Variants in NCALD observed in about 807,000 individuals in gnomAD.
NCALD encodes neurocalcin delta.
Under a neutral mutation model 18.6 loss-of-function variants are expected in NCALD, and 10 were observed. That is an observed-to-expected ratio of 0.54 (90% confidence interval 0.33 to 0.91). The LOEUF (loss-of-function observed/expected upper bound fraction) is 0.91, where lower values mean the gene tolerates loss of function less well. Ranked by LOEUF, NCALD falls within the 40% of genes least tolerant of loss-of-function variation. NCALD has a pLI of 0.03. For missense variants in NCALD, 184 were observed against 247.6 expected, an observed-to-expected ratio of 0.74 and a Z score of 1.72; for synonymous variants, 88 against 87.4, an observed-to-expected ratio of 1.01 and a Z score of -0.04.
chr8:101,876,687 T>C (rs1816241275), intron 4 of NCALD, among the ~76,000 whole-genome samples: 1 of 152,212 alleles, frequency 6.6e-6, no homozygotes, highest in Non-Finnish European at 1.5e-5. Context: ...TAATGTTAGA[T>C]GAGAAAGAAA....
chr8:102,007,152 AG>A (rs1176679031), intron 2 of NCALD, among the ~76,000 whole-genome samples: 1 of 152,240 alleles, frequency 6.6e-6, no homozygotes, highest in Admixed American at 6.5e-5. Flanking sequence ...AACAGAAAAA[AG>A]GGCAGTAGTG....
At chr8:101,815,699 T>C (rs141774091) in intron 4 of NCALD, among the ~76,000 whole-genome samples, 1 of 152,258 alleles carries the variant, frequency 6.6e-6, no homozygotes, top group East Asian at 1.9e-4. Flanking sequence ...ACTGCTGGAA[T>C]GCAAAACAGT....
chr8:101,987,206 G>A (rs1215046110), intron 2 of NCALD, among the ~76,000 whole-genome samples: 2 of 152,090 alleles, frequency 1.3e-5, no homozygotes, highest in East Asian at 3.8e-4. Flanking sequence ...TACAGAAAAC[G>A]GGGCGACTAT....
chr8:102,092,660 T>C (rs1456266555), intron 1 of NCALD, among the ~76,000 whole-genome samples: 2 of 152,314 alleles, frequency 1.3e-5, no homozygotes, highest in Non-Finnish European at 2.9e-5. Context: ...TCCTCCCACA[T>C]TGACCTTCCC....
chr8:101,823,215 G>A (rs1269483059), intron 4 of NCALD, among the ~76,000 whole-genome samples: 1 of 152,176 alleles, frequency 6.6e-6, no homozygotes, highest in East Asian at 1.9e-4. Context: ...TGAGCATGTA[G>A]AATGTAAAAT....
chr8:101,862,579 T>A (rs1018743538), intron 4 of NCALD, among the ~76,000 whole-genome samples: 2 of 152,212 alleles, frequency 1.3e-5, no homozygotes, highest in Admixed American at 6.5e-5. Context: ...AATAGCATAA[T>A]AAAGGAGGCA....
At position 101,916,550 on chromosome 8, in the gene NCALD, T is replaced by C. The variant is rs140551955; in HGVS notation, c.-156-692A>G. Among the ~76,000 whole-genome samples, 1,349 of 152,260 alleles carry C rather than the reference T, an allele frequency of 8.9e-3. 8 individuals carry two copies. The highest frequency in any genetic ancestry group is 0.014 in the Non-Finnish European group (934 of 67,970). ...ATTACTTGAATGCAAGTGGTTTCAA[T>C]GTTCCCACTTAAAAGGCAGAGAGTA... is the stretch of plus-strand genomic sequence containing the variant. On this transcript the variant is annotated intron_variant, in intron 2 of 6. Transcript: ENST00000311028.
intron 1 of NCALD, among the ~76,000 whole-genome samples, chr8:102,043,799 T>C (rs1440299050): frequency 6.6e-6 from 1 of 151,334 alleles, no homozygotes; most frequent in Non-Finnish European, 1.5e-5. Context: ...AGCAGCTGTA[T>C]GTGTTGTATT....
At chr8:101,690,501 C>A (rs1390222732) in intron 3 of NCALD, 2 of 985,316 alleles carry the variant, frequency 2.0e-6, no homozygotes, top group Non-Finnish European at 2.4e-6. Flanking sequence ...TAAGCCATAG[C>A]CTCCAGTATC....
intron 2 of NCALD, among the ~76,000 whole-genome samples, chr8:102,008,916 CTACACACACA>C (rs1402810258): frequency 9.4e-5 from 2 of 21,182 alleles, no homozygotes; most frequent in Non-Finnish European, 1.9e-4. Context: ...CCCCGCCCCC[CTACACACACA>C]CACACACACA....
chr8:101,770,242 T>C (rs1384193817), intron 1 of NCALD, among the ~76,000 whole-genome samples: 3 of 152,106 alleles, frequency 2.0e-5, no homozygotes, highest in Non-Finnish European at 4.4e-5. Context: ...ACTAGACTGG[T>C]TTGAAGAGCT....
At chr8:101,886,075 C>T (rs1258547847) in intron 4 of NCALD, among the ~76,000 whole-genome samples, 1 of 151,908 alleles carries the variant, frequency 6.6e-6, no homozygotes, top group African/African-American at 2.4e-5. Flanking sequence ...TTCTCAATGC[C>T]ATGAGGGAAA....
At chr8:102,029,352 C>T (rs1031776223) in intron 1 of NCALD, among the ~76,000 whole-genome samples, 5 of 152,086 alleles carry the variant, frequency 3.3e-5, no homozygotes, top group South Asian at 2.1e-4. Flanking sequence ...AAGTCTGTGG[C>T]GGGCCTTGAA....
chr8:101,732,590 CTTTTTTTTTTTTTTTTT>C (rs576286368), intron 1 of NCALD, among the ~76,000 whole-genome samples: 4 of 53,676 alleles, frequency 7.5e-5, no homozygotes, highest in Admixed American at 3.0e-4. Flanking sequence ...TTTTTCTTTG[CTTTTTTTTTTTTTTTTT>C]TTTTTTTTTT....
chr8:102,096,160 A>C (rs914413005), intron 1 of NCALD, among the ~76,000 whole-genome samples: 4 of 152,242 alleles, frequency 2.6e-5, no homozygotes, highest in Admixed American at 6.5e-5. Flanking sequence ...CCAAGGGATG[A>C]GGCTAAAACA....
intron 2 of NCALD, among the ~76,000 whole-genome samples, chr8:101,930,425 A>C (rs368127823): frequency 6.6e-6 from 1 of 152,054 alleles, no homozygotes; most frequent in East Asian, 1.9e-4. Flanking sequence ...AATCATAGGC[A>C]AAATCTCTTT....
intron 2 of NCALD, among the ~76,000 whole-genome samples, chr8:101,953,140 G>A (rs1004392111): frequency 1.3e-5 from 2 of 152,048 alleles, no homozygotes; most frequent in African/African-American, 2.4e-5. Flanking sequence ...ATTCACATTT[G>A]GGAGAATGAC....
intron 2 of NCALD, among the ~76,000 whole-genome samples, chr8:101,919,722 A>G (rs1297281541): frequency 6.6e-6 from 1 of 152,112 alleles, no homozygotes; most frequent in East Asian, 1.9e-4. Context: ...AAAAAATGTG[A>G]ACAGACATGT....
chr8:101,945,292 C>A (rs1347088066), intron 2 of NCALD, among the ~76,000 whole-genome samples: 1 of 152,194 alleles, frequency 6.6e-6, no homozygotes, highest in East Asian at 1.9e-4. Flanking sequence ...TCAAAATAGA[C>A]ACAGTCCCTG....
Sources: allele counts gnomAD v4.1 joint callset (sites outside exome capture counted in the v4.1 genomes callset), GRCh38; gene constraint gnomAD v4.1.1; transcripts MANE v1.5; gene names NCBI Gene and HGNC (gene_info 2026-07-23, HGNC 2026-07-21).